The following PCMTD1 variants were observed in gnomAD, a reference collection of about 807,000 sequenced individuals.
PCMTD1 encodes protein-L-isoaspartate O-methyltransferase domain-containing protein 1.
Under a neutral mutation model 37.6 loss-of-function variants are expected in PCMTD1, and 12 were observed. The ratio of observed to expected loss-of-function variants is 0.32; its 90% confidence interval spans 0.20 to 0.52. The LOEUF is 0.52. Among genes scored for constraint, PCMTD1 ranks in the 20% least tolerant of loss-of-function variants. The pLI is 0.97. For synonymous variants in PCMTD1, 117 were observed against 135.8 expected, an observed-to-expected ratio of 0.86 and a Z score of 0.96; for missense variants, 235 against 421.3, an observed-to-expected ratio of 0.56 and a Z score of 3.87.
chr8:51,863,272 C>CT (rs2038501458), intron 1 of PCMTD1, among the ~76,000 whole-genome samples: 1 of 152,046 alleles, frequency 6.6e-6, no homozygotes. Flanking sequence ...TTTGAGTGGG[C>CT]TCTAGGGCTT....
At chr8:51,862,494 C>T (rs983495447) in intron 1 of PCMTD1, among the ~76,000 whole-genome samples, 13 of 152,114 alleles carry the variant, frequency 8.5e-5, no homozygotes, top group African/African-American at 2.9e-4. Context: ...ACAATTTAAG[C>T]TTTATTCAAC....
At chr8:51,856,351 A>G (rs2038389431) in intron 2 of PCMTD1, among the ~76,000 whole-genome samples, 1 of 152,230 alleles carries the variant, frequency 6.6e-6, no homozygotes, top group Admixed American at 6.5e-5. Context: ...TTTTTAAAAA[A>G]TGAAGTAACA....
intron 3 of PCMTD1, chr8:51,839,646 T>C (rs2129278587): frequency 1.0e-6 from 1 of 984,992 alleles, no homozygotes; most frequent in Non-Finnish European, 1.2e-6. Context: ...TGACTGAGAG[T>C]AGAAAAAACA....
At chr8:51,893,112 T>C (rs1174916464) in intron 1 of PCMTD1, among the ~76,000 whole-genome samples, 2 of 152,202 alleles carry the variant, frequency 1.3e-5, no homozygotes, top group Non-Finnish European at 2.9e-5. Context: ...ATGGATTAGT[T>C]TGAGAATCAG....
In PCMTD1 at chr8:51,818,011, C is replaced by T. The variant is rs1412089482; in HGVS notation, c.*2340G>A. 4 of 449,084 alleles carry T rather than the reference C, an allele frequency of 8.9e-6. No individual in the cohort carries two copies. The highest frequency in any genetic ancestry group is 1.3e-5 in the Non-Finnish European group (3 of 222,876). The allele number at this position is 449,084 out of a possible 1,614,324, so 27.8% of individuals were successfully genotyped here. The stretch of plus-strand genomic sequence containing the variant: ...AATACTATATTCCCCATCATTTTCA[C>T]TTACTTTTACTTAATCTTTATTTGC... On this transcript the variant is annotated 3_prime_UTR_variant, in exon 6 of 6. Transcript: ENST00000522514.
chr8:51,828,344 T>G (rs2037950715), intron 5 of PCMTD1, among the ~76,000 whole-genome samples: 3 of 152,190 alleles, frequency 2.0e-5, no homozygotes. Flanking sequence ...GAAAACAGTT[T>G]TGTTACTATT....
intron 1 of PCMTD1, among the ~76,000 whole-genome samples, chr8:51,868,224 C>T (rs1322680881): frequency 1.3e-5 from 2 of 152,034 alleles, no homozygotes; most frequent in East Asian, 3.9e-4. Context: ...ATACTATAAA[C>T]ATAATTCCTT....
At chr8:51,862,216 C>A (rs376538046) in intron 1 of PCMTD1, among the ~76,000 whole-genome samples, 1 of 152,042 alleles carries the variant, frequency 6.6e-6, no homozygotes, top group East Asian at 1.9e-4. Flanking sequence ...ACATAAAATG[C>A]AAAATAAACA....
upstream of PCMTD1, chr8:51,899,068 C>T: frequency 1.3e-6 from 2 of 1,500,338 alleles, no homozygotes; most frequent in Non-Finnish European, 1.8e-6. Flanking sequence ...GCGACTGGAG[C>T]AGCCAGAGCC....
In PCMTD1 at chr8:51,851,189, C is replaced by T. The variant is rs144050897; in HGVS notation, c.308-5426G>A. Among the ~76,000 whole-genome samples the T allele has an allele frequency of 8.5e-5, 13 of 152,306 alleles. No individual in the cohort carries two copies. The East Asian group carries it at 2.5e-3, about 29-fold the overall frequency. On this transcript the variant is annotated intron_variant, in intron 2 of 5. Coordinates refer to ENST00000522514, the MANE Select transcript of PCMTD1 (RefSeq NM_052937.4). ...CCACTCTGAAGCTAATAAGATCAGA[C>T]CTTGTTATTTGCTCTCCAGTTTTGG...
intron 1 of PCMTD1, among the ~76,000 whole-genome samples, chr8:51,874,935 G>C (rs952358032): frequency 6.6e-6 from 1 of 152,146 alleles, no homozygotes; most frequent in Admixed American, 6.5e-5. Flanking sequence ...CTGCAGAACA[G>C]ATCACTCCAT....
At chr8:51,863,133 T>C (rs75826750) in intron 1 of PCMTD1, among the ~76,000 whole-genome samples, 17,863 of 152,022 alleles carry the variant, frequency 0.12, 1,291 homozygotes, top group East Asian at 0.17. Flanking sequence ...TATATTACAC[T>C]AGGAGATAGT....
chr8:51,827,022 G>A, intron 5 of PCMTD1: 3 of 965,780 alleles, frequency 3.1e-6, no homozygotes, highest in Non-Finnish European at 3.7e-6. Context: ...GGGATTTTTG[G>A]AGTCGCGTTC....
chr8:51,867,956 A>T (rs923999404), intron 1 of PCMTD1, among the ~76,000 whole-genome samples: 1 of 152,170 alleles, frequency 6.6e-6, no homozygotes, highest in African/African-American at 2.4e-5. Context: ...TTGCTGAAAC[A>T]ATTATTGCTG....
rs2037795090 is a variant in PCMTD1, at chr8:51,818,508, G to C, written c.*1843C>G. The C allele has an allele frequency of 6.6e-6, 1 of 152,362 alleles. No individual in the cohort carries two copies. The allele number at this position is 152,362 out of a possible 1,614,324, so 9.4% of individuals were successfully genotyped here. ...GGTCACCAGGAATTCAAGGTAACTA[G>C]GTACTTCAAAAGCCACATTTAATTC... On this transcript the variant is annotated 3_prime_UTR_variant, in exon 6 of 6. Coordinates refer to ENST00000522514, the MANE Select transcript of PCMTD1 (RefSeq NM_052937.4).
intron 3 of PCMTD1, among the ~76,000 whole-genome samples, chr8:51,838,607 G>A (rs1440973064): frequency 6.6e-6 from 1 of 152,068 alleles, no homozygotes; most frequent in African/African-American, 2.4e-5. Context: ...ATCGAACACA[G>A]TAAATTACAA....
chr8:51,828,956 T>G (rs563142824), intron 5 of PCMTD1, among the ~76,000 whole-genome samples: 2 of 152,356 alleles, frequency 1.3e-5, no homozygotes, highest in Admixed American at 6.5e-5. Context: ...TTATCATTCT[T>G]ATTTTACCTT....
intron 3 of PCMTD1, among the ~76,000 whole-genome samples, chr8:51,834,712 T>C (rs1242895171): frequency 6.6e-6 from 1 of 152,190 alleles, no homozygotes; most frequent in African/African-American, 2.4e-5. Flanking sequence ...CCCTGTCCTT[T>C]AGTAATTAAT....
At chr8:51,824,366 A>G (rs1303665880) in intron 5 of PCMTD1, among the ~76,000 whole-genome samples, 1 of 152,252 alleles carries the variant, frequency 6.6e-6, no homozygotes, top group African/African-American at 2.4e-5. Context: ...TACAAAATCA[A>G]CGTGCAAAAA....
Sources: allele counts gnomAD v4.1 joint callset (sites outside exome capture counted in the v4.1 genomes callset), GRCh38; gene constraint gnomAD v4.1.1; transcripts MANE v1.5; gene names NCBI Gene and HGNC (gene_info 2026-07-23, HGNC 2026-07-21).